SNX29: variants seen among roughly 807,000 people sequenced by gnomAD.
The protein encoded by SNX29 is sorting nexin 29.
In SNX29, 78 loss-of-function variants were observed where a neutral mutation model predicts 102.1. That is an observed-to-expected ratio of 0.76 (90% confidence interval 0.64 to 0.92). The LOEUF (loss-of-function observed/expected upper bound fraction) is 0.92, where lower values mean the gene tolerates loss of function less well. SNX29 is among the 40% of genes least tolerant of loss of function. The probability of loss-of-function intolerance (pLI) is 0.00; values close to 1 mark genes in which losing one functional copy is unlikely to be tolerated. For missense variants in SNX29, 1,280 were observed against 1,061.7 expected, an observed-to-expected ratio of 1.21 and a Z score of -2.86; for synonymous variants, 580 against 414.5, an observed-to-expected ratio of 1.40 and a Z score of -4.85.
chr16:11,976,850 C>A, intron 1 of SNX29, 37 bp downstream of exon 1: 1 of 1,338,754 alleles, frequency 7.5e-7, no homozygotes. Flanking sequence ...CTGCCCCGGC[C>A]GCCCCGGCTC....
intron 14 of SNX29, among the ~76,000 whole-genome samples, chr16:12,242,579 TTTC>T (rs1306064048): frequency 4.0e-5 from 6 of 149,736 alleles, no homozygotes; most frequent in East Asian, 1.9e-4. Flanking sequence ...TTCTTCTTCT[TTTC>T]TTCTTCTCTT....
chr16:12,140,897 A>G lies in SNX29; in HGVS notation c.1595+11139A>G, dbSNP rs188121744. ...TTTGGTAATGCCCCCTTCTGAAATG[A>G]AATTTATAGCGAATATAACCTACTT... On this transcript the variant is annotated intron_variant, in intron 13 of 20. Transcript: ENST00000566228. Among the ~76,000 whole-genome samples, 45 of 152,388 alleles carry G rather than the reference A, an allele frequency of 3.0e-4. 1 individual carries two copies. The highest frequency in any genetic ancestry group is 1.1e-3 in the African/African-American group (45 of 41,596).
At chr16:12,428,719 CTAGT>C (rs2085187497) in intron 18 of SNX29, among the ~76,000 whole-genome samples, 1 of 151,846 alleles carries the variant, frequency 6.6e-6, no homozygotes, top group South Asian at 2.1e-4. Flanking sequence ...ATATCTCTTT[CTAGT>C]TAATCACACC....
intron 7 of SNX29, among the ~76,000 whole-genome samples, chr16:12,049,531 C>T (rs569014627): frequency 8.1e-4 from 124 of 152,184 alleles, no homozygotes; most frequent in Non-Finnish European, 1.2e-3. Flanking sequence ...CAGGGTTTCC[C>T]CATGTTGGCC....
At chr16:12,085,393 C>G (rs1349440161) in intron 11 of SNX29, among the ~76,000 whole-genome samples, 3 of 152,172 alleles carry the variant, frequency 2.0e-5, no homozygotes, top group Non-Finnish European at 4.4e-5. Context: ...CTGGTGTAAT[C>G]TCGGCTCACT....
rs905784463 is a variant in SNX29, at chr16:12,570,397, G to C, written c.*1768G>C. 2 of 309,076 alleles carry C rather than the reference G, an allele frequency of 6.5e-6. No individual in the cohort carries two copies. The highest frequency in any genetic ancestry group is 1.1e-5 in the Non-Finnish European group (2 of 187,498). The allele number at this position is 309,076 out of a possible 1,614,324, so 19.1% of individuals were successfully genotyped here. On this transcript the variant is annotated 3_prime_UTR_variant, in exon 21 of 21. Transcript: ENST00000566228. ...GTTTATCTGAAATTCCAAGGCCAGA[G>C]TGCACATCAGCTCACATGACTGGCA...
At chr16:12,401,888 G>A (rs192417520) in intron 17 of SNX29, among the ~76,000 whole-genome samples, 9 of 152,300 alleles carry the variant, frequency 5.9e-5, no homozygotes, top group Non-Finnish European at 1.0e-4. Context: ...TTCTGATACA[G>A]TGTGGTCAAT....
intron 11 of SNX29, among the ~76,000 whole-genome samples, 184 bp from the exon 12 acceptor site, chr16:12,126,447 CTG>C (rs2054217448): frequency 6.6e-6 from 1 of 152,364 alleles, no homozygotes; most frequent in East Asian, 1.9e-4. Flanking sequence ...ACTTCAGAGA[CTG>C]TGCTCTAAAA....
At chr16:12,555,385 C>G (rs962338713) in intron 20 of SNX29, among the ~76,000 whole-genome samples, 1 of 152,050 alleles carries the variant, frequency 6.6e-6, no homozygotes, top group South Asian at 2.1e-4. Context: ...CCCTGTCTTT[C>G]CCTGCGTGTC....
chr16:12,046,835 T>A (rs1374226620), intron 6 of SNX29, among the ~76,000 whole-genome samples: 1 of 152,206 alleles, frequency 6.6e-6, no homozygotes, highest in African/African-American at 2.4e-5. Flanking sequence ...GTCAGGCCGG[T>A]CTCGAAATCC....
intron 13 of SNX29, among the ~76,000 whole-genome samples, chr16:12,178,778 T>G (rs2076318143): frequency 6.6e-6 from 1 of 152,240 alleles, no homozygotes; most frequent in African/African-American, 2.4e-5. Context: ...TTTCTTTTCT[T>G]TGTACAGTTG....
chr16:12,483,125 T>G (rs997735107), intron 19 of SNX29, among the ~76,000 whole-genome samples: 5 of 127,994 alleles, frequency 3.9e-5, no homozygotes, highest in Admixed American at 3.1e-4. Context: ...TTTTTTTTTT[T>G]TTTTTTTTTT....
rs142416225 is a variant in SNX29, at chr16:12,469,739, G to A, written c.2038-7980G>A. On this transcript the variant is annotated intron_variant, in intron 18 of 20. Coordinates refer to ENST00000566228, the MANE Select transcript of SNX29 (RefSeq NM_032167.5). ...AAACTGCAGGGCTGGCTGGGCGCAGGGTGGCTCACGCCTGTAATCTCAGCA... is the reference window on the plus strand; with the variant it reads ...AAACTGCAGGGCTGGCTGGGCGCAGAGTGGCTCACGCCTGTAATCTCAGCA... Among the ~76,000 whole-genome samples, 205 of 152,278 alleles carry A rather than the reference G, an allele frequency of 1.3e-3. 1 individual carries two copies. The highest frequency in any genetic ancestry group is 4.9e-3 in the African/African-American group (205 of 41,564).
At chr16:12,114,328 G>T (rs1254497364) in intron 11 of SNX29, among the ~76,000 whole-genome samples, 1 of 152,230 alleles carries the variant, frequency 6.6e-6, no homozygotes, top group Admixed American at 6.5e-5. Context: ...CTGTTAGGAG[G>T]AGAGAGGTGC....
intron 13 of SNX29, among the ~76,000 whole-genome samples, chr16:12,163,160 G>T (rs2055862388): frequency 6.6e-6 from 1 of 152,198 alleles, no homozygotes; most frequent in African/African-American, 2.4e-5. Flanking sequence ...GGGATTACAG[G>T]CGTGAGCCAC....
At chr16:12,141,421 G>T (rs1047512905) in intron 13 of SNX29, among the ~76,000 whole-genome samples, 2 of 152,248 alleles carry the variant, frequency 1.3e-5, no homozygotes, top group African/African-American at 2.4e-5. Context: ...GTGCAAGAAA[G>T]AATTCAGGGC....
intron 13 of SNX29, among the ~76,000 whole-genome samples, chr16:12,153,531 T>C (rs986694820): frequency 1.3e-5 from 2 of 151,594 alleles, no homozygotes; most frequent in Non-Finnish European, 2.9e-5. Flanking sequence ...TGGAGTGCAG[T>C]GGCATGACCT....
At chr16:12,249,321 G>T (rs751406925) in intron 14 of SNX29, among the ~76,000 whole-genome samples, 1 of 152,220 alleles carries the variant, frequency 6.6e-6, no homozygotes, top group African/African-American at 2.4e-5. Context: ...CACATGGCTG[G>T]CTTGGGCTTA....
intron 18 of SNX29, among the ~76,000 whole-genome samples, chr16:12,477,496 A>G (rs1033483422): frequency 2.6e-5 from 4 of 152,268 alleles, no homozygotes; most frequent in African/African-American, 4.8e-5. Flanking sequence ...AGCATACAGT[A>G]TGTTCTTCCC....
Sources: allele counts gnomAD v4.1 joint callset (sites outside exome capture counted in the v4.1 genomes callset), GRCh38; gene constraint gnomAD v4.1.1; transcripts MANE v1.5; gene names NCBI Gene and HGNC (gene_info 2026-07-23, HGNC 2026-07-21).